The following ACYP2 variants were observed in gnomAD, a reference collection of about 807,000 sequenced individuals.
ACYP2 encodes the protein acylphosphatase-2.
A neutral mutation model predicts 11.2 loss-of-function variants in ACYP2; 12 were observed. That is an observed-to-expected ratio of 1.08 (90% CI 0.69 to 1.74). The LOEUF is 1.74. Among genes scored for constraint, ACYP2 ranks in the 40% most tolerant of loss-of-function variants. The probability of loss-of-function intolerance (pLI) is 0.00; values close to 1 mark genes in which losing one functional copy is unlikely to be tolerated. For synonymous variants in ACYP2, 43 were observed against 32.2 expected (o/e 1.33, Z -1.13); for missense variants, 134 against 101.9 (o/e 1.31, Z -1.35).
intron 4 of ACYP2, among the ~76,000 whole-genome samples, chr2:54,115,100 A>G (rs551800077): frequency 5.9e-5 from 9 of 152,286 alleles, no homozygotes; most frequent in African/African-American, 1.9e-4. Context: ...AGTGTGAATA[A>G]TAAGTTCTGA....
chr2:54,033,701 C>G (rs1674717621), intron 2 of ACYP2, among the ~76,000 whole-genome samples: 1 of 152,162 alleles, frequency 6.6e-6, no homozygotes, highest in African/African-American at 2.4e-5. Flanking sequence ...GAAGATCATT[C>G]TGGCTGTAAT....
chr2:54,051,698 GA>G, intron 3 of ACYP2: 1 of 632,998 alleles, frequency 1.6e-6, no homozygotes, highest in Non-Finnish European at 2.9e-6. Flanking sequence ...TGAGCTAAAG[GA>G]AAGCCTGATG....
At chr2:53,977,773 T>C (rs1194823584) in intron 2 of ACYP2, among the ~76,000 whole-genome samples, 1 of 151,912 alleles carries the variant, frequency 6.6e-6, no homozygotes, top group Non-Finnish European at 1.5e-5. Context: ...TTGCTGTTTC[T>C]GGATCCAGTA....
chr2:54,114,380 CAAA>C (rs58390248), intron 4 of ACYP2, among the ~76,000 whole-genome samples: 2,035 of 104,354 alleles, frequency 0.02, 11 homozygotes, highest in Middle Eastern at 0.047. Flanking sequence ...TCAAGACAAT[CAAA>C]AAAAAAAAAA....
At chr2:54,202,203 G>A (rs538541150) in intron 6 of ACYP2, among the ~76,000 whole-genome samples, 29 of 152,248 alleles carry the variant, frequency 1.9e-4, no homozygotes, top group Admixed American at 1.9e-3. Flanking sequence ...CCGCCTCCCA[G>A]GTTCAAGCAG....
chr2:54,237,326 G>A (rs1273512339), intron 6 of ACYP2, among the ~76,000 whole-genome samples: 1 of 133,740 alleles, frequency 7.5e-6, no homozygotes, highest in East Asian at 2.2e-4. Flanking sequence ...TATAACTATT[G>A]CTATATTTGG....
intron 2 of ACYP2, among the ~76,000 whole-genome samples, chr2:54,044,668 A>G (rs773986454): frequency 6.6e-6 from 1 of 152,178 alleles, no homozygotes; most frequent in African/African-American, 2.4e-5. Context: ...AATTACAAGG[A>G]TATGAGGCCT....
intron 4 of ACYP2, among the ~76,000 whole-genome samples, chr2:54,073,056 A>G (rs1324386427): frequency 6.6e-6 from 1 of 152,218 alleles, no homozygotes; most frequent in African/African-American, 2.4e-5. Context: ...TCAGTAGACT[A>G]GAATTGAGAG....
chr2:54,265,548 A>G (rs1687978963), intron 6 of ACYP2, among the ~76,000 whole-genome samples: 1 of 152,202 alleles, frequency 6.6e-6, no homozygotes, highest in Non-Finnish European at 1.5e-5. Flanking sequence ...AAGGAATACC[A>G]AGGAGAAAGG....
rs750107161 is a variant in ACYP2, at chr2:54,256,132, G to T, written c.405-48556G>T. ...ATAGTCGAGAGTAGCGGGGCTGTGA[G>T]GACTCTCCGGGAGGCTCATGTTGGT... On this transcript the variant is annotated intron_variant, in intron 6 of 6. Transcript: ENST00000607452. The T allele has an allele frequency of 2.5e-6, 4 of 1,613,364 alleles. No individual in the cohort carries two copies. The South Asian group carries it at 4.4e-5, about 18-fold the overall frequency.
chr2:54,189,378 G>C (rs1684141600), intron 6 of ACYP2, among the ~76,000 whole-genome samples: 1 of 151,876 alleles, frequency 6.6e-6, no homozygotes, highest in African/African-American at 2.4e-5. Flanking sequence ...TTGTATATTT[G>C]ACTTTTTAAG....
intron 6 of ACYP2, among the ~76,000 whole-genome samples, chr2:54,232,731 A>G (rs1271686380): frequency 3.9e-5 from 6 of 152,170 alleles, no homozygotes; most frequent in Non-Finnish European, 8.8e-5. Flanking sequence ...AAAGCAAGGC[A>G]TGTCTTACAT....
chr2:53,992,256 G>T (rs1426798516), intron 2 of ACYP2, among the ~76,000 whole-genome samples: 2 of 149,486 alleles, frequency 1.3e-5, no homozygotes, highest in East Asian at 2.0e-4. Flanking sequence ...GTCATAGTAA[G>T]CACTTACTTT....
chr2:54,034,442 C>T (rs1057216077), intron 2 of ACYP2, among the ~76,000 whole-genome samples: 1 of 152,138 alleles, frequency 6.6e-6, no homozygotes. Context: ...GAATACTTAC[C>T]ATTGTGTTAC....
At chr2:53,998,698 C>T (rs1369906630) in intron 2 of ACYP2, among the ~76,000 whole-genome samples, 1 of 152,086 alleles carries the variant, frequency 6.6e-6, no homozygotes, top group Non-Finnish European at 1.5e-5. Context: ...CACCTGTATT[C>T]CCAGCTGCTT....
In ACYP2 at chr2:54,115,760, G is replaced by C; in HGVS notation, c.278-19693G>C. On this transcript the variant is annotated intron_variant, in intron 4 of 6. Transcript: ENST00000607452. ...GAGGTGTTCGGAAGAGTGCAGGGTA[G>C]GAGGCCCCTCTACGGTGGGAGATCA... The C allele has an allele frequency of 6.2e-7, 1 of 1,602,032 alleles. No homozygotes were observed. The highest frequency in any genetic ancestry group is 8.5e-7 in the Non-Finnish European group (1 of 1,174,800).
At chr2:54,282,393 C>G (rs1455278511) in intron 6 of ACYP2, among the ~76,000 whole-genome samples, 2 of 152,162 alleles carry the variant, frequency 1.3e-5, no homozygotes, top group African/African-American at 2.4e-5. Context: ...TGTCCTCACC[C>G]TGCTCCACAT....
intron 6 of ACYP2, among the ~76,000 whole-genome samples, chr2:54,204,292 C>G (rs1393454431): frequency 7.2e-6 from 1 of 138,770 alleles, no homozygotes; most frequent in Non-Finnish European, 1.6e-5. Context: ...TGCGCCCGGC[C>G]ATGGGATTTT....
At chr2:54,184,885 C>T (rs1347312147) in intron 6 of ACYP2, among the ~76,000 whole-genome samples, 3 of 148,088 alleles carry the variant, frequency 2.0e-5, no homozygotes, top group African/African-American at 5.0e-5. Context: ...TTCACTCTGT[C>T]ACCCAGGCTG....
Sources: allele counts gnomAD v4.1 joint callset (sites outside exome capture counted in the v4.1 genomes callset), GRCh38; gene constraint gnomAD v4.1.1; transcripts MANE v1.5; gene names NCBI Gene and HGNC (gene_info 2026-07-23, HGNC 2026-07-21).